The following ZCRB1 variants were observed in gnomAD, a reference collection of about 807,000 sequenced individuals.
The protein encoded by ZCRB1 is zinc finger CCHC-type and RNA binding motif containing 1.
A neutral mutation model predicts 29.9 loss-of-function variants in ZCRB1; 21 were observed. That is an observed-to-expected ratio of 0.70 (90% CI 0.50 to 1.01). The LOEUF (loss-of-function observed/expected upper bound fraction) is 1.01. ZCRB1 is among the 50% of genes least tolerant of loss of function. The pLI, the probability that ZCRB1 is intolerant of heterozygous loss-of-function variation, is 0.00. For missense variants in ZCRB1, 204 were observed against 253.3 expected (o/e 0.81, Z 1.32); for synonymous variants, 77 against 80.0 (o/e 0.96, Z 0.20).
At chr12:42,325,816 G>A (rs1377888491) in intron 1 of ZCRB1, 108 bp downstream of exon 1, 1 of 152,312 alleles carries the variant, frequency 6.6e-6, no homozygotes, top group African/African-American at 2.4e-5. Flanking sequence ...CAGAGGTTAA[G>A]GTCCTGGAAT....
chr12:42,317,942 A>G (rs752289957), intron 3 of ZCRB1, 44 bp from the exon 4 acceptor site: 3 of 1,469,358 alleles, frequency 2.0e-6, no homozygotes, highest in African/African-American at 2.8e-5. Flanking sequence ...AGCAATAAAT[A>G]AAACAGATAC....
chr12:42,319,259 T>C (rs1181527985), intron 3 of ZCRB1, among the ~76,000 whole-genome samples: 1 of 152,230 alleles, frequency 6.6e-6, no homozygotes, highest in Admixed American at 6.5e-5. Context: ...TTTAACAGTC[T>C]ATTCTTATTG....
chr12:42,313,205 T>C lies in ZCRB1; in HGVS notation c.523-7A>G. ...CTTCTTCAATTTTGGCTTGCTGTGA[T>C]TCAAAAAACAAAACAAAACCAATAA... is the stretch of plus-strand genomic sequence containing the variant. On this transcript the variant is annotated splice_polypyrimidine_tract_variant and splice_region_variant and intron_variant, in intron 7 of 7. Coordinates refer to ENST00000266529, the MANE Select transcript of ZCRB1 (RefSeq NM_033114.4). 6.2e-7 allele frequency: 1 copy of C among 1,600,956 alleles called. No homozygotes were observed. The highest frequency in any genetic ancestry group is 2.2e-5 in the East Asian group (1 of 44,718).
intron 3 of ZCRB1, among the ~76,000 whole-genome samples, chr12:42,320,416 T>C (rs915245619): frequency 6.6e-6 from 1 of 152,204 alleles, no homozygotes; most frequent in Non-Finnish European, 1.5e-5. Flanking sequence ...GCTACAGTTT[T>C]AGATTCAGAC....
chr12:42,324,212 G>C (rs935303320), intron 1 of ZCRB1, 108 bp from the exon 2 acceptor site: 2 of 890,868 alleles, frequency 2.2e-6, no homozygotes, highest in Non-Finnish European at 1.8e-6. Flanking sequence ...GCAATGGCGT[G>C]ATCTCGGCTC....
intron 5 of ZCRB1, among the ~76,000 whole-genome samples, chr12:42,315,457 G>A (rs937773009): frequency 6.6e-6 from 1 of 152,100 alleles, no homozygotes; most frequent in African/African-American, 2.4e-5. Context: ...TACTGTTAAT[G>A]AGCTGCTGAG....
Position 42,312,964 on chromosome 12 carries a change from G to A in ZCRB1, c.*103C>T, listed in dbSNP as rs1342972227. 8.7e-7 allele frequency: 1 copy of A among 1,144,340 alleles called. No individual in the cohort carries two copies. Among genetic ancestry groups the A allele is most frequent in the Non-Finnish European group, 1.2e-6 (1 of 869,398 alleles). The allele number at this position is 1,144,340 out of a possible 1,614,324, so 70.9% of individuals were successfully genotyped here. A position where few individuals can be genotyped will look rare whatever the true frequency, so the allele number is the denominator to read the frequency against. On this transcript the variant is annotated 3_prime_UTR_variant, in exon 8 of 8. Coordinates refer to ENST00000266529, the MANE Select transcript of ZCRB1 (RefSeq NM_033114.4). ...CTTTTTTCTTGGGATGACAATAATA[G>A]TATTAACATGATAGTATTAATTTTT... is the stretch of plus-strand genomic sequence containing the variant.
At chr12:42,324,837 T>C (rs2068666228) in intron 1 of ZCRB1, among the ~76,000 whole-genome samples, 1 of 152,250 alleles carries the variant, frequency 6.6e-6, no homozygotes, top group Non-Finnish European at 1.5e-5. Flanking sequence ...ATGTACTGTA[T>C]ATGTACATTA....
chr12:42,317,872 G>C lies in ZCRB1; in HGVS notation c.140C>G (p.Thr47Ser), dbSNP rs768551251. Reference protein sequence around the residue: ...VKVTIMKDKDTRKSKGVAFIL... With the variant: ...VKVTIMKDKDSRKSKGVAFIL... ...AAATGCAACCCCTTTACTCTTCCTGGTATCTTTATCTTTCATGATGGTAAC... is the reference window on the plus strand; with the variant it reads ...AAATGCAACCCCTTTACTCTTCCTGCTATCTTTATCTTTCATGATGGTAAC... The change falls in exon 4 of 8, where the codon ACC becomes AGC. Residue 47 changes from threonine to serine, a missense_variant. Coordinates refer to ENST00000266529, the MANE Select transcript of ZCRB1 (RefSeq NM_033114.4). 6.2e-7 allele frequency: 1 copy of C among 1,613,512 alleles called. No homozygotes were observed. Among genetic ancestry groups the C allele is most frequent in the South Asian group, 1.1e-5 (1 of 91,060 alleles).
chr12:42,323,943 A>C lies in ZCRB1; in HGVS notation c.84+76T>G, dbSNP rs983128607. 9.8e-6 allele frequency: 13 copies of C among 1,324,668 alleles called. No individual in the cohort carries two copies. In the East Asian group the frequency reaches 2.8e-4, roughly 28 times the overall value. 82.1% of individuals were successfully genotyped at this position (1,324,668 alleles called of 1,614,324 possible). ...AAAAGAAAAAAAAAAAAAGGAAAAA[A>C]GAATTTGCCAGGGAGAACTATTTGC... On this transcript the variant is annotated intron_variant, in intron 2 of 7. Coordinates refer to ENST00000266529, the MANE Select transcript of ZCRB1 (RefSeq NM_033114.4).
At position 42,326,073 on chromosome 12, in the gene ZCRB1, C is replaced by A. The variant is rs1254982205; in HGVS notation, c.-152G>T. Reference sequence around the variant, plus strand: ...CGCGGAGAGCAGATAATAGCAGCCACGGTGCTTCTTCCCGACTGTTTGAGA... The same window carrying A: ...CGCGGAGAGCAGATAATAGCAGCCAAGGTGCTTCTTCCCGACTGTTTGAGA... On this transcript the variant is annotated 5_prime_UTR_variant, in exon 1 of 8. Transcript: ENST00000266529. 6.6e-6 allele frequency: 1 copy of A among 152,286 alleles called. No homozygotes were observed. Among genetic ancestry groups the A allele is most frequent in the East Asian group, 1.9e-4 (1 of 5,176 alleles). 9.4% of individuals were successfully genotyped at this position (152,286 alleles called of 1,614,324 possible).
chr12:42,317,641 T>C, intron 4 of ZCRB1, 146 bp downstream of exon 4: 1 of 792,524 alleles, frequency 1.3e-6, no homozygotes, highest in Non-Finnish European at 2.0e-6. Context: ...CCCAGTAGTT[T>C]GACCTCTTTT....
chr12:42,317,114 G>A (rs1485346079), intron 5 of ZCRB1, among the ~76,000 whole-genome samples: 1 of 152,134 alleles, frequency 6.6e-6, no homozygotes, highest in Non-Finnish European at 1.5e-5. Flanking sequence ...ACACTGTGGT[G>A]GGAGGATCAG....
intron 3 of ZCRB1, among the ~76,000 whole-genome samples, chr12:42,321,931 C>T (rs896296098): frequency 1.4e-4 from 21 of 152,076 alleles, no homozygotes; most frequent in Admixed American, 7.2e-4. Flanking sequence ...GTCTTTCCAA[C>T]GATCTCCAAG....
chr12:42,317,840 A>C lies in ZCRB1; in HGVS notation c.172T>G (p.Phe58Val). Residue 58 changes from phenylalanine to valine, a missense_variant, in exon 4 of 8, where the codon TTT (phenylalanine) becomes GTT (valine). Transcript: ENST00000266529. ...TTTTGTGCAGAGTCTTTATCCAAAA[A>C]TAAAATAAATGCAACCCCTTTACTC... ...RKSKGVAFIL[F>V]LDKDSAQNCT... is the part of the protein sequence containing the mutation. The C allele has an allele frequency of 6.2e-7, 1 of 1,613,936 alleles. No individual in the cohort carries two copies.
chr12:42,323,253 C>T (rs2068630352), intron 2 of ZCRB1, among the ~76,000 whole-genome samples: 1 of 152,178 alleles, frequency 6.6e-6, no homozygotes, highest in Non-Finnish European at 1.5e-5. Context: ...AAGGCCAGTA[C>T]AGTCTTCTAT....
chr12:42,320,261 C>T (rs1311234088), intron 3 of ZCRB1, among the ~76,000 whole-genome samples: 1 of 152,152 alleles, frequency 6.6e-6, no homozygotes, highest in African/African-American at 2.4e-5. Context: ...GTAAGCATAT[C>T]ACTAAATAGT....
intron 3 of ZCRB1, among the ~76,000 whole-genome samples, chr12:42,321,870 T>C (rs1197923689): frequency 6.6e-6 from 1 of 152,216 alleles, no homozygotes; most frequent in Non-Finnish European, 1.5e-5. Context: ...CTTTTTATTG[T>C]TCCTAACCCT....
intron 2 of ZCRB1, among the ~76,000 whole-genome samples, chr12:42,323,033 T>C (rs970684656): frequency 1.3e-5 from 2 of 152,362 alleles, no homozygotes; most frequent in East Asian, 1.9e-4. Context: ...CTCTCTCTTC[T>C]GTTACTTTTA....
Sources: gnomAD v4.1 joint callset for allele counts (sites outside exome capture counted in the v4.1 genomes callset) on GRCh38, gnomAD v4.1.1 for gene constraint, MANE v1.5 for transcripts, NCBI Gene and HGNC (gene_info 2026-07-23, HGNC 2026-07-21) for gene names.